Variants in VRTN observed in about 807,000 individuals in gnomAD.
VRTN encodes vertebrae development associated, also known as vertnin.
Under a neutral mutation model 18.2 loss-of-function variants are expected in VRTN, and 5 were observed. That is an observed-to-expected ratio of 0.27 (90% CI 0.14 to 0.58). The LOEUF is 0.58. Ranked by LOEUF, VRTN falls within the 20% of genes least tolerant of loss-of-function variation. The pLI is 0.91. For missense variants in VRTN, 741 were observed against 939.4 expected (o/e 0.79, Z 2.76); for synonymous variants, 381 against 393.7 (o/e 0.97, Z 0.38).
intron 1 of VRTN, among the ~76,000 whole-genome samples, chr14:74,349,358 G>C (rs1318937008): frequency 6.6e-6 from 1 of 152,250 alleles, no homozygotes; most frequent in Non-Finnish European, 1.5e-5. Context: ...GTGCAGTCGG[G>C]CTGGTGTGGC....
At chr14:74,331,547 TATATATATATATATA>T (rs2085525404) in intron 1 of VRTN, among the ~76,000 whole-genome samples, 1 of 26,728 alleles carries the variant, frequency 3.7e-5, no homozygotes, top group African/African-American at 2.5e-4. Flanking sequence ...AAAAATTTTA[TATATATATATATATA>T]TATATATATA....
rs778904465 is a variant in VRTN at position 74,357,163 on chromosome 14, A to G, written c.380A>G (p.Lys127Arg). The G allele has an allele frequency of 2.0e-5, 32 of 1,599,358 alleles. No homozygotes were observed. The highest frequency in any genetic ancestry group is 2.6e-5 in the Non-Finnish European group (30 of 1,173,154). The change falls in exon 2 of 2, where the codon AAA (lysine) becomes AGA (arginine). Residue 127 changes from lysine (K) to arginine (R), a missense_variant. By Grantham distance (26) the Lys-to-Arg change is conservative. Transcript: ENST00000256362. This position sits in a 1 kb window ranked among gnomAD's most constrained non-coding sequence, Gnocchi z 7.8. ...HYYLQGMIDS[K>R]VMLQAVRYSL... is the part of the protein sequence containing the mutation. ...TACCTCCAGGGCATGATCGACTCCA[A>G]AGTGATGCTGCAGGCCGTGCGCTAC...
intron 1 of VRTN, among the ~76,000 whole-genome samples, chr14:74,353,126 C>T (rs1595175574): frequency 1.3e-5 from 2 of 151,944 alleles, no homozygotes; most frequent in East Asian, 3.9e-4. Flanking sequence ...TGGTGAAACC[C>T]CATCTCTACA....
intron 1 of VRTN, chr14:74,306,156 A>T (rs1567036578): frequency 1.4e-5 from 1 of 73,408 alleles, no homozygotes; most frequent in Admixed American, 1.3e-4. Context: ...ATATATATAT[A>T]TATATATATA....
chr14:74,317,340 T>C (rs1325940789), intron 1 of VRTN, among the ~76,000 whole-genome samples: 2 of 152,168 alleles, frequency 1.3e-5, no homozygotes, highest in Non-Finnish European at 2.9e-5. Context: ...TAGCTTATCT[T>C]ACATACTTCT....
intron 2 of VRTN, among the ~76,000 whole-genome samples, chr14:74,338,909 G>T (rs1201317926): frequency 6.6e-6 from 1 of 152,094 alleles, no homozygotes; most frequent in African/African-American, 2.4e-5. Context: ...ATTTTTAGTA[G>T]AGATGAGGTT....
chr14:74,313,621 C>T (rs1017585231), intron 1 of VRTN, among the ~76,000 whole-genome samples: 2 of 152,138 alleles, frequency 1.3e-5, no homozygotes, highest in Non-Finnish European at 2.9e-5. Flanking sequence ...GATCTGAAAC[C>T]ATCTTGGCCT....
intron 1 of VRTN, among the ~76,000 whole-genome samples, chr14:74,320,553 C>CAT (rs1567039604): frequency 4.9e-5 from 6 of 121,504 alleles, no homozygotes; most frequent in South Asian, 3.0e-4. Flanking sequence ...TGAGCCACTG[C>CAT]GCCCGGCCTC....
intron 1 of VRTN, among the ~76,000 whole-genome samples, chr14:74,321,138 A>T (rs923296251): frequency 6.6e-6 from 1 of 152,126 alleles, no homozygotes; most frequent in African/African-American, 2.4e-5. Flanking sequence ...TGTGCCACAA[A>T]TGGGGACAAG....
intron 1 of VRTN, among the ~76,000 whole-genome samples, chr14:74,325,792 G>T (rs1342739552): frequency 1.3e-5 from 2 of 151,996 alleles, no homozygotes; most frequent in African/African-American, 4.8e-5. Context: ...GAAAAAAAGA[G>T]GAAAGAAATA....
chr14:74,309,161 T>C (rs985870670), intron 1 of VRTN, among the ~76,000 whole-genome samples: 4 of 152,160 alleles, frequency 2.6e-5, no homozygotes, highest in Non-Finnish European at 4.4e-5. Context: ...AACCACCCTT[T>C]ATTGTTTCCT....
intron 1 of VRTN, among the ~76,000 whole-genome samples, chr14:74,332,636 C>T (rs572182051): frequency 2.2e-4 from 33 of 152,010 alleles, no homozygotes; most frequent in Middle Eastern, 6.8e-3. Flanking sequence ...GGATTACAGG[C>T]GTGACACCAT....
At chr14:74,351,973 A>G (rs2085688252) in intron 1 of VRTN, among the ~76,000 whole-genome samples, 1 of 151,464 alleles carries the variant, frequency 6.6e-6, no homozygotes, top group South Asian at 2.1e-4. Context: ...CCTCCCGAGT[A>G]GCTGGGACTA....
chr14:74,333,462 C>G (rs2140203052), intron 1 of VRTN, among the ~76,000 whole-genome samples: 1 of 151,998 alleles, frequency 6.6e-6, no homozygotes, highest in African/African-American at 2.4e-5. Flanking sequence ...TGTACTCCAG[C>G]CTGGGACAGA....
At chr14:74,325,576 G>C (rs2085483108) in intron 1 of VRTN, among the ~76,000 whole-genome samples, 1 of 152,146 alleles carries the variant, frequency 6.6e-6, no homozygotes, top group Admixed American at 6.6e-5. Flanking sequence ...GGGAGGCCAA[G>C]GCAGGAGGAT....
intron 1 of VRTN, among the ~76,000 whole-genome samples, chr14:74,313,563 G>T (rs903329730): frequency 1.1e-4 from 17 of 152,176 alleles, no homozygotes; most frequent in African/African-American, 4.1e-4. Flanking sequence ...TTGTGAGCAG[G>T]AGGGACAGAG....
At chr14:74,322,669 CT>C (rs1242078838) in intron 1 of VRTN, among the ~76,000 whole-genome samples, 1 of 152,178 alleles carries the variant, frequency 6.6e-6, no homozygotes, top group Non-Finnish European at 1.5e-5. Flanking sequence ...CCAACACCCC[CT>C]GTATTCCTAT....
At chr14:74,317,352 C>T (rs556139742) in intron 1 of VRTN, among the ~76,000 whole-genome samples, 1 of 152,262 alleles carries the variant, frequency 6.6e-6, no homozygotes, top group South Asian at 2.1e-4. Context: ...CATACTTCTC[C>T]CCAACTCTCC....
intron 1 of VRTN, among the ~76,000 whole-genome samples, chr14:74,304,098 G>A (rs1224736376): frequency 6.6e-6 from 1 of 150,978 alleles, no homozygotes; most frequent in African/African-American, 2.4e-5. Context: ...TGATCTGCCC[G>A]CCTTGGCTTT....
Sources: allele counts gnomAD v4.1 joint callset (sites outside exome capture counted in the v4.1 genomes callset), GRCh38; gene constraint gnomAD v4.1.1; non-coding constraint Gnocchi (gnomAD v3.1); transcripts MANE v1.5; gene names NCBI Gene and HGNC (gene_info 2026-07-23, HGNC 2026-07-21).